Variants in PTPRC observed in about 807,000 individuals in gnomAD.
PTPRC encodes receptor-type tyrosine-protein phosphatase C.
PTPRC carries 44 observed loss-of-function variants against 155.9 expected under a neutral mutation model. That is an observed-to-expected ratio of 0.28 (90% CI 0.22 to 0.36). PTPRC has a LOEUF of 0.36. Ranked by LOEUF, PTPRC falls within the 10% of genes least tolerant of loss-of-function variation. PTPRC has a pLI of 1.00. For missense variants in PTPRC, 1,401 were observed against 1,564.6 expected (o/e 0.90, Z 1.76); for synonymous variants, 525 against 533.1 (o/e 0.98, Z 0.21).
At chr1:198,664,258 C>T (rs528202398) in intron 2 of PTPRC, among the ~76,000 whole-genome samples, 1 of 152,164 alleles carries the variant, frequency 6.6e-6, no homozygotes, top group Admixed American at 6.5e-5. Flanking sequence ...GGGAACTATA[C>T]AAAAATGGGA....
Position 198,752,607 on chromosome 1 carries a change from G to A in PTPRC, c.3344G>A (p.Arg1115Gln), listed in dbSNP as rs755012251. ...ELRHSKRKDS[R>Q]TVYQYQYTNW... ...TTCTGATTTTAGAGGAAAGACTCTC[G>A]AACTGTGTACCAGTACCAATATACA... The change falls in exon 31 of 33, where the codon CGA (arginine) becomes CAA (glutamine). Residue 1115 changes from arginine (R) to glutamine (Q), a missense_variant. Physicochemically the swap from Arg to Gln is conservative, Grantham distance 43. Coordinates refer to ENST00000442510, the MANE Select transcript of PTPRC (RefSeq NM_002838.5). The A allele has an allele frequency of 1.1e-5, 18 of 1,612,142 alleles. No homozygotes were observed. The highest frequency in any genetic ancestry group is 1.6e-4 in the Middle Eastern group (1 of 6,070).
chr1:198,702,263 G>T (rs1651717939), intron 5 of PTPRC, 124 bp from the exon 6 acceptor site: 1 of 1,240,234 alleles, frequency 8.1e-7, no homozygotes, highest in Non-Finnish European at 1.2e-6. Flanking sequence ...TCGTGGTATA[G>T]CAGAAGTGCT....
intron 2 of PTPRC, among the ~76,000 whole-genome samples, chr1:198,664,184 T>C (rs1361343942): frequency 6.6e-6 from 1 of 152,188 alleles, no homozygotes; most frequent in Non-Finnish European, 1.5e-5. Context: ...TTTTATTCTG[T>C]TTCTGGAAGG....
chr1:198,756,464 TTGTG>T lies in PTPRC; in HGVS notation c.*286_*289del. 3.3e-6 allele frequency: 1 copy of T among 299,818 alleles called. No individual in the cohort carries two copies. The highest frequency in any genetic ancestry group is 6.2e-6 in the Non-Finnish European group (1 of 160,150). 18.6% of individuals were successfully genotyped at this position (299,818 alleles called of 1,614,324 possible). A position where few individuals can be genotyped will look rare whatever the true frequency, so the allele number is the denominator to read the frequency against. ...TATGTATGTGTGTATGGGTGTGTGT[TTGTG>T]TGAGAGACAGAGAAAGAGAGAGAAT... On this transcript the variant is annotated 3_prime_UTR_variant, in exon 33 of 33. Transcript: ENST00000442510.
intron 2 of PTPRC, among the ~76,000 whole-genome samples, chr1:198,646,146 A>G (rs546724819): frequency 1.3e-5 from 2 of 151,954 alleles, no homozygotes; most frequent in South Asian, 4.1e-4. Context: ...CATTAGACCA[A>G]TTTAATTCCC....
chr1:198,755,736 C>T (rs1655614505), intron 32 of PTPRC, among the ~76,000 whole-genome samples, 170 bp from the exon 33 acceptor site: 1 of 151,978 alleles, frequency 6.6e-6, no homozygotes, highest in African/African-American at 2.4e-5. Flanking sequence ...CCTTTAGCAC[C>T]ATAAAGAAAC....
intron 2 of PTPRC, among the ~76,000 whole-genome samples, chr1:198,691,202 A>G (rs949005109): frequency 6.6e-6 from 1 of 152,074 alleles, no homozygotes; most frequent in African/African-American, 2.4e-5. Flanking sequence ...ATGCTGATCT[A>G]TAGCATCAGC....
intron 5 of PTPRC, among the ~76,000 whole-genome samples, chr1:198,702,006 T>G (rs1360959381): frequency 6.6e-6 from 1 of 152,218 alleles, no homozygotes; most frequent in Non-Finnish European, 1.5e-5. Flanking sequence ...CACTCAGAGC[T>G]CTACCTCCAT....
chr1:198,736,384 CAA>C (rs1380639092), intron 23 of PTPRC, among the ~76,000 whole-genome samples: 3 of 151,522 alleles, frequency 2.0e-5, no homozygotes, highest in African/African-American at 7.3e-5. Flanking sequence ...TCTGTATATC[CAA>C]GAGTTCAGTT....
At chr1:198,734,662 T>C (rs1654544948) in intron 22 of PTPRC, among the ~76,000 whole-genome samples, 1 of 151,776 alleles carries the variant, frequency 6.6e-6, no homozygotes, top group Admixed American at 6.6e-5. Context: ...GCTAGACTCT[T>C]AACTTGATTC....
chr1:198,677,310 TCA>T (rs1354926509), intron 2 of PTPRC, among the ~76,000 whole-genome samples: 7 of 152,232 alleles, frequency 4.6e-5, no homozygotes, highest in Non-Finnish European at 7.3e-5. Context: ...TTAAAACTTC[TCA>T]GTTTGTGAGA....
At chr1:198,728,502 C>T (rs1654246356) in intron 16 of PTPRC, 54 bp downstream of exon 16, 16 of 1,588,312 alleles carry the variant, frequency 1.0e-5, no homozygotes, top group Middle Eastern at 1.8e-4. Flanking sequence ...ATGGTGCAAA[C>T]GCATATCCAT....
At chr1:198,716,558 T>C in intron 12 of PTPRC, 124 bp from the exon 13 acceptor site, 1 of 813,300 alleles carries the variant, frequency 1.2e-6, no homozygotes, top group Non-Finnish European at 2.0e-6. Context: ...GATGTACTTA[T>C]TTTTCAATCA....
Position 198,665,080 on chromosome 1 carries a change from A to ATTTTT in PTPRC, c.73+25762_73+25766dup, listed in dbSNP as rs574626185. Among the ~76,000 whole-genome samples the ATTTTT allele has an allele frequency of 2.9e-4, 17 of 59,616 alleles. 1 individual carries two copies. Among genetic ancestry groups the ATTTTT allele is most frequent in the Admixed American group, 2.0e-3 (9 of 4,494 alleles). The allele number at this position is 59,616 out of a possible 152,430, so 39.1% of individuals were successfully genotyped here. ...AGTGTTTTTAGAACATCCCGGCAGC[A>ATTTTT]TTTTTTTTTTTTTTTTTTTTTTTTT... is the stretch of plus-strand genomic sequence containing the variant. On this transcript the variant is annotated intron_variant, in intron 2 of 32. Coordinates refer to ENST00000442510, the MANE Select transcript of PTPRC (RefSeq NM_002838.5).
At chr1:198,722,592 C>A in intron 15 of PTPRC, 116 bp downstream of exon 15, 1 of 473,922 alleles carries the variant, frequency 2.1e-6, no homozygotes, top group South Asian at 6.0e-5. Context: ...AATAATATCT[C>A]TTCCGTAAAT....
intron 2 of PTPRC, among the ~76,000 whole-genome samples, chr1:198,659,371 G>A (rs1346391266): frequency 1.3e-5 from 2 of 152,078 alleles, no homozygotes; most frequent in Non-Finnish European, 2.9e-5. Context: ...ACAAATTTGT[G>A]GAAAAGATAC....
chr1:198,665,079 C>CCTTTTTTTTTTTTT (rs1557979011), intron 2 of PTPRC, among the ~76,000 whole-genome samples: 2 of 102,244 alleles, frequency 2.0e-5, no homozygotes, highest in African/African-American at 7.1e-5. Flanking sequence ...ATCCCGGCAG[C>CCTTTTTTTTTTTTT]ATTTTTTTTT....
At position 198,732,480 on chromosome 1, in the gene PTPRC, A is replaced by G; in HGVS notation, c.2066A>G (p.Tyr689Cys). The G allele has an allele frequency of 6.2e-7, 1 of 1,610,460 alleles. No homozygotes were observed. Among genetic ancestry groups the G allele is most frequent in the Non-Finnish European group, 8.5e-7 (1 of 1,177,570 alleles). The part of the protein sequence containing the change: ...NKNRYVDILP[Y>C]DYNRVELSEI... ...GTTTATTTTTCTTTTCCTTAAACAG[A>G]TGATTATAACCGTGTTGAACTCTCT... The change falls in exon 20 of 33, where the codon TAT becomes TGT. Residue 689 changes from tyrosine to cysteine, a missense_variant and splice_region_variant. This residue lies in a region of PTPRC where 867 missense variants were observed against 970.4 expected (regional missense o/e 0.89). Transcript: ENST00000442510.
Position 198,706,824 on chromosome 1 carries a change from A to G in PTPRC, c.776A>G (p.Glu259Gly), listed in dbSNP as rs375453057. The change falls in exon 9 of 33, where the codon GAA becomes GGA. Residue 259 changes from glutamate to glycine, a missense_variant. Coordinates refer to ENST00000442510, the MANE Select transcript of PTPRC (RefSeq NM_002838.5). The part of the protein sequence containing the change: ...TAKLNVNENV[E>G]CGNNTCTNNE... Reference sequence around the variant, plus strand: ...AAGCTAAATGTTAATGAGAATGTGGAATGTGGAAACAATACTTGCACAAAC... The same window carrying G: ...AAGCTAAATGTTAATGAGAATGTGGGATGTGGAAACAATACTTGCACAAAC... 1.2e-6 allele frequency: 2 copies of G among 1,613,282 alleles called. No homozygotes were observed. The highest frequency in any genetic ancestry group is 1.7e-6 in the Non-Finnish European group (2 of 1,179,324).
Sources: gnomAD v4.1 joint callset for allele counts (sites outside exome capture counted in the v4.1 genomes callset) on GRCh38, gnomAD v4.1.1 for gene constraint, gnomAD v4.1.1 regional missense constraint, MANE v1.5 for transcripts, NCBI Gene and HGNC (gene_info 2026-07-23, HGNC 2026-07-21) for gene names.